Variants in INVS observed in about 807,000 individuals in gnomAD.
The protein encoded by INVS is inversin.
In INVS, 86 loss-of-function variants were observed where a neutral mutation model predicts 108.8. That is an observed-to-expected ratio of 0.79 (90% CI 0.66 to 0.95). INVS has a LOEUF of 0.95. INVS is among the 40% of genes least tolerant of loss of function. The pLI is 0.00. For missense variants in INVS, 1,169 were observed against 1,297.4 expected (o/e 0.90, Z 1.52); for synonymous variants, 455 against 473.5 (o/e 0.96, Z 0.51).
intron 13 of INVS, among the ~76,000 whole-genome samples, chr9:100,287,339 C>G (rs1432482353): frequency 3.3e-5 from 5 of 152,170 alleles, no homozygotes; most frequent in Non-Finnish European, 5.9e-5. Flanking sequence ...TTATATTGAT[C>G]AAAGCAAGTT....
intron 2 of INVS, among the ~76,000 whole-genome samples, chr9:100,119,705 C>T (rs1327681022): frequency 6.6e-6 from 1 of 152,164 alleles, no homozygotes; most frequent in African/African-American, 2.4e-5. Context: ...CTACAGGCGC[C>T]CGCCACCACA....
In INVS at chr9:100,299,654, A is replaced by AGCCTTGCAAAC. The variant is rs1176309582; in HGVS notation, c.3092-914_3092-913insGCCTTGCAAAC. Among the ~76,000 whole-genome samples, 7 of 48,618 alleles carry AGCCTTGCAAAC rather than the reference A, an allele frequency of 1.4e-4. 1 individual carries two copies. The highest frequency in any genetic ancestry group is 2.5e-4 in the African/African-American group (2 of 7,966). The allele number at this position is 48,618 out of a possible 152,430, so 31.9% of individuals were successfully genotyped here. On this transcript the variant is annotated intron_variant, in intron 16 of 16. Coordinates refer to ENST00000262457, the MANE Select transcript of INVS (RefSeq NM_014425.5). ...TTTATTGACACACACACACACACAC[A>AGCCTTGCAAAC]CACACACACACACACACACACACAC...
intron 9 of INVS, 86 bp from the exon 10 acceptor site, chr9:100,252,821 T>G: frequency 2.2e-6 from 2 of 902,154 alleles, no homozygotes; most frequent in East Asian, 2.6e-5. Flanking sequence ...TAAATGCATT[T>G]AAGGAACAAT....
At chr9:100,197,688 G>A (rs180754948) in intron 3 of INVS, among the ~76,000 whole-genome samples, 3 of 152,298 alleles carry the variant, frequency 2.0e-5, no homozygotes, top group African/African-American at 7.2e-5. Flanking sequence ...AATTGTAATA[G>A]ATTGAGGGGG....
intron 2 of INVS, among the ~76,000 whole-genome samples, chr9:100,125,677 T>G (rs1827860465): frequency 1.4e-5 from 2 of 138,886 alleles, no homozygotes; most frequent in South Asian, 2.3e-4. Context: ...GGAAATCAAC[T>G]GTGATTTTTT....
chr9:100,277,294 C>T (rs1833142174), intron 12 of INVS, among the ~76,000 whole-genome samples: 2 of 152,208 alleles, frequency 1.3e-5, no homozygotes, highest in African/African-American at 2.4e-5. Flanking sequence ...TGCTACTGCT[C>T]ATCTCCTTTT....
At chr9:100,248,233 C>A (rs1832107762) in intron 8 of INVS, among the ~76,000 whole-genome samples, 1 of 152,120 alleles carries the variant, frequency 6.6e-6, no homozygotes, top group South Asian at 2.1e-4. Flanking sequence ...TCCACTTTAT[C>A]ACTAGCTTTG....
At chr9:100,173,073 A>G (rs1424684874) in intron 3 of INVS, among the ~76,000 whole-genome samples, 1 of 152,224 alleles carries the variant, frequency 6.6e-6, no homozygotes. Flanking sequence ...AGTACTTCTC[A>G]CATCATCAAG....
At chr9:100,265,363 C>T (rs149511383) in intron 11 of INVS, among the ~76,000 whole-genome samples, 120 of 152,236 alleles carry the variant, frequency 7.9e-4, no homozygotes, top group African/African-American at 2.7e-3. Flanking sequence ...TAAAACATTA[C>T]ACTAAGAAAT....
rs1833803220 is a variant in INVS at position 100,296,772 on chromosome 9, T to C, written c.2787-145T>C. The C allele has an allele frequency of 7.2e-6, 5 of 690,086 alleles. No individual in the cohort carries two copies. In the South Asian group the frequency reaches 8.3e-5, roughly 11 times the overall value. The allele number at this position is 690,086 out of a possible 1,614,324, so 42.7% of individuals were successfully genotyped here. A position where few individuals can be genotyped will look rare whatever the true frequency, so the allele number is the denominator to read the frequency against. ...AAAAAGAATTCCACATTCAACATGCTGCCGCCAAAATTAGGAATGGGAGCT... is the reference window on the plus strand; with the variant it reads ...AAAAAGAATTCCACATTCAACATGCCGCCGCCAAAATTAGGAATGGGAGCT... On this transcript the variant is annotated intron_variant, in intron 14 of 16. Coordinates refer to ENST00000262457, the MANE Select transcript of INVS (RefSeq NM_014425.5).
At chr9:100,300,543 T>C in intron 16 of INVS, 25 bp from the exon 17 acceptor site, 1 of 1,393,926 alleles carries the variant, frequency 7.2e-7, no homozygotes, top group South Asian at 1.2e-5. Flanking sequence ...AACCTTAATA[T>C]CTATCTGGTA....
At chr9:100,215,844 A>G (rs193045189) in intron 3 of INVS, among the ~76,000 whole-genome samples, 101 of 152,344 alleles carry the variant, frequency 6.6e-4, no homozygotes, top group Admixed American at 2.4e-3. Context: ...CCTCCATGTA[A>G]TGTGGACTCC....
intron 16 of INVS, 153 bp downstream of exon 16, chr9:100,298,163 C>T (rs896779901): frequency 6.5e-7 from 1 of 1,538,764 alleles, no homozygotes; most frequent in Non-Finnish European, 8.7e-7. Flanking sequence ...TAGCCAACAT[C>T]TGTCTCCCTA....
chr9:100,248,643 C>T (rs1832124497), intron 8 of INVS, among the ~76,000 whole-genome samples: 1 of 152,128 alleles, frequency 6.6e-6, no homozygotes, highest in Non-Finnish European at 1.5e-5. Flanking sequence ...GGCGTGATAA[C>T]AGCATTATGG....
chr9:100,273,612 A>T (rs1368882737), intron 12 of INVS, among the ~76,000 whole-genome samples: 3 of 133,170 alleles, frequency 2.3e-5, no homozygotes, highest in Middle Eastern at 8.3e-3. Flanking sequence ...ACCTCGGCTC[A>T]CTGCAACCTC....
At chr9:100,139,485 T>G (rs577977620) in intron 3 of INVS, among the ~76,000 whole-genome samples, 25 of 152,344 alleles carry the variant, frequency 1.6e-4, no homozygotes, top group African/African-American at 5.3e-4. Context: ...CAGACTTATA[T>G]TTCCAGCTAT....
At chr9:100,286,410 C>T (rs1487090797) in intron 13 of INVS, among the ~76,000 whole-genome samples, 1 of 152,102 alleles carries the variant, frequency 6.6e-6, no homozygotes, top group African/African-American at 2.4e-5. Flanking sequence ...ACAAATTAGC[C>T]AGGCATCGTG....
chr9:100,278,231 C>CAAAAAAAAAAAA (rs750217205), intron 12 of INVS, among the ~76,000 whole-genome samples: 15 of 83,110 alleles, frequency 1.8e-4, no homozygotes, highest in African/African-American at 7.2e-4. Context: ...GACCCTGTCT[C>CAAAAAAAAAAAA]AAAAAAAAAA....
intron 5 of INVS, among the ~76,000 whole-genome samples, chr9:100,236,793 C>T (rs1049611616): frequency 3.9e-5 from 6 of 152,272 alleles, no homozygotes; most frequent in African/African-American, 9.6e-5. Context: ...AGGTGTCTGC[C>T]GACCCCTGCT....
Sources: allele counts gnomAD v4.1 joint callset (sites outside exome capture counted in the v4.1 genomes callset), GRCh38; gene constraint gnomAD v4.1.1; transcripts MANE v1.5; gene names NCBI Gene and HGNC (gene_info 2026-07-23, HGNC 2026-07-21).